The following NSRP1 variants were observed in gnomAD, a reference collection of about 807,000 sequenced individuals.
NSRP1 encodes the protein coiled-coil domain containing 55.
Under a neutral mutation model 54.7 loss-of-function variants are expected in NSRP1, and 24 were observed. The ratio of observed to expected loss-of-function variants is 0.44; its 90% CI spans 0.32 to 0.62. The LOEUF (loss-of-function observed/expected upper bound fraction) is 0.62. NSRP1 is among the 20% of genes least tolerant of loss of function. NSRP1 has a pLI of 0.06. For missense variants in NSRP1, 596 were observed against 651.2 expected (o/e 0.92, Z 0.92); for synonymous variants, 210 against 213.8 (o/e 0.98, Z 0.15).
chr17:30,140,602 C>T (rs1031237238), intron 2 of NSRP1, among the ~76,000 whole-genome samples: 4 of 135,058 alleles, frequency 3.0e-5, no homozygotes, highest in Non-Finnish European at 6.1e-5. Context: ...GATCTCGGCT[C>T]ACTGCAACCC....
rs763799172 is a variant in NSRP1 at position 30,184,926 on chromosome 17, C to T, written c.929C>T (p.Ser310Leu). The T allele has an allele frequency of 1.9e-6, 3 of 1,613,878 alleles. No homozygotes were observed. Among genetic ancestry groups the T allele is most frequent in the East Asian group, 4.5e-5 (2 of 44,870 alleles). Residue 310 changes from serine (S) to leucine (L), a missense_variant, in exon 7 of 7, where the codon TCG (serine) becomes TTG (leucine). Ser to Leu is a moderately radical substitution (Grantham distance 145, BLOSUM62 -2). Transcript: ENST00000247026. The part of the protein sequence containing the change: ...TRHHTKGSRT[S>L]RGHEKREDQH... ...CACCACACGAAAGGATCACGAACGT[C>T]GAGAGGACATGAGAAAAGGGAAGAT...
intron 2 of NSRP1, among the ~76,000 whole-genome samples, chr17:30,153,311 T>C (rs1210445421): frequency 6.6e-6 from 1 of 152,198 alleles, no homozygotes; most frequent in Non-Finnish European, 1.5e-5. Context: ...GAGTTTGTTG[T>C]CTTTTTTTCT....
At chr17:30,164,641 T>TA (rs1028485593) in intron 2 of NSRP1, among the ~76,000 whole-genome samples, 2 of 151,518 alleles carry the variant, frequency 1.3e-5, no homozygotes, top group Non-Finnish European at 2.9e-5. Flanking sequence ...TACAAAAAAA[T>TA]AAAAAAATTA....
At position 30,116,843 on chromosome 17, in the gene NSRP1, G is replaced by C. The variant is rs1275169616; in HGVS notation, c.-1G>C. ...CCACGTTCAGCGGACACGGGAGCAA[G>C]ATGGCGATTCCGGGCAGGCAGTGAG... On this transcript the variant is annotated 5_prime_UTR_variant, in exon 1 of 7. Transcript: ENST00000247026. The C allele has an allele frequency of 1.9e-6, 3 of 1,575,664 alleles. No homozygotes were observed. The highest frequency in any genetic ancestry group is 4.6e-5 in the East Asian group (2 of 43,094).
chr17:30,161,738 TTTG>T (rs1904524112), intron 2 of NSRP1, among the ~76,000 whole-genome samples: 1 of 152,154 alleles, frequency 6.6e-6, no homozygotes, highest in African/African-American at 2.4e-5. Flanking sequence ...TAATTTTTCT[TTTG>T]TTCATATTTA....
intron 2 of NSRP1, among the ~76,000 whole-genome samples, chr17:30,123,220 C>T (rs536573755): frequency 7.8e-4 from 119 of 152,334 alleles, no homozygotes; most frequent in Non-Finnish European, 1.4e-3. Flanking sequence ...CTGCTTCAGC[C>T]TCCCGAGTAG....
chr17:30,172,482 C>G, intron 2 of NSRP1, 60 bp from the exon 3 acceptor site: 1 of 1,385,550 alleles, frequency 7.2e-7, no homozygotes, highest in East Asian at 2.5e-5. Flanking sequence ...AGGGGACGCT[C>G]GTACTGGAAA....
intron 3 of NSRP1, among the ~76,000 whole-genome samples, chr17:30,177,659 T>C (rs1394012824): frequency 3.9e-5 from 6 of 152,206 alleles, no homozygotes; most frequent in South Asian, 4.1e-4. Context: ...GTTAGGTGTT[T>C]CCATCGTACC....
At chr17:30,155,099 C>CT (rs964694009) in intron 2 of NSRP1, among the ~76,000 whole-genome samples, 3 of 151,112 alleles carry the variant, frequency 2.0e-5, no homozygotes, top group South Asian at 2.1e-4. Context: ...GATTTACTAC[C>CT]TTTTTTTTTC....
chr17:30,154,782 A>C (rs1567799013), intron 2 of NSRP1, among the ~76,000 whole-genome samples: 1 of 152,048 alleles, frequency 6.6e-6, no homozygotes, highest in East Asian at 1.9e-4. Flanking sequence ...CAGATTTCAG[A>C]TTTTTTCAGA....
At chr17:30,133,109 ATTT>A (rs558445432) in intron 2 of NSRP1, among the ~76,000 whole-genome samples, 56 of 110,920 alleles carry the variant, frequency 5.0e-4, no homozygotes, top group East Asian at 1.1e-3. Context: ...ACACCCAGCT[ATTT>A]TTTTTTTTTT....
chr17:30,128,712 G>A (rs996269152), intron 2 of NSRP1, among the ~76,000 whole-genome samples: 3 of 151,934 alleles, frequency 2.0e-5, no homozygotes, highest in Non-Finnish European at 4.4e-5. Context: ...CTTTATGATC[G>A]TAAAAATTTA....
At chr17:30,119,413 A>G (rs1020613648) in intron 2 of NSRP1, among the ~76,000 whole-genome samples, 6 of 151,988 alleles carry the variant, frequency 3.9e-5, no homozygotes, top group African/African-American at 1.2e-4. Flanking sequence ...GGGTTTCACC[A>G]TGTTGGCCAG....
chr17:30,123,113 T>G (rs756347440), intron 2 of NSRP1, among the ~76,000 whole-genome samples: 6 of 138,518 alleles, frequency 4.3e-5, no homozygotes, highest in Admixed American at 4.1e-4. Context: ...TTTATTTTAT[T>G]TTTTGAGACA....
At chr17:30,132,688 T>G (rs1404423277) in intron 2 of NSRP1, among the ~76,000 whole-genome samples, 1 of 152,256 alleles carries the variant, frequency 6.6e-6, no homozygotes, top group Non-Finnish European at 1.5e-5. Context: ...CATTTGTAAT[T>G]CTAGTTCTCT....
chr17:30,179,959 C>T (rs953716905), intron 5 of NSRP1, among the ~76,000 whole-genome samples: 5 of 151,756 alleles, frequency 3.3e-5, no homozygotes, highest in African/African-American at 1.2e-4. Context: ...ACCTCAGCCT[C>T]TTGAGTAGCT....
chr17:30,144,071 C>T (rs1035406175), intron 2 of NSRP1: 1 of 151,620 alleles, frequency 6.6e-6, no homozygotes, highest in Non-Finnish European at 1.5e-5. Context: ...TTTTTTTTCC[C>T]TTTAATCAGT....
intron 2 of NSRP1, among the ~76,000 whole-genome samples, chr17:30,139,117 C>T (rs2071779713): frequency 6.7e-6 from 1 of 150,040 alleles, no homozygotes; most frequent in Non-Finnish European, 1.5e-5. Context: ...CGGGGTTTCA[C>T]TGTGTTAGCC....
rs146684603 is a variant in NSRP1 at position 30,169,853 on chromosome 17, A to C, written c.115-2689A>C. Among the ~76,000 whole-genome samples the C allele has an allele frequency of 7.3e-3, 1,106 of 152,156 alleles. 20 individuals carry two copies. The highest frequency in any genetic ancestry group is 0.025 in the African/African-American group (1,050 of 41,564). On this transcript the variant is annotated intron_variant, in intron 2 of 6. Transcript: ENST00000247026. ...TGTTCTGGTTATTACCATGAAAAAA[A>C]AAAAGCACCAATTGCTGGTACAATA...
Sources: allele counts gnomAD v4.1 joint callset (sites outside exome capture counted in the v4.1 genomes callset), GRCh38; gene constraint gnomAD v4.1.1; transcripts MANE v1.5; gene names NCBI Gene and HGNC (gene_info 2026-07-23, HGNC 2026-07-21).